AOPEP: variants seen among roughly 807,000 people sequenced by gnomAD.
AOPEP encodes the protein aminopeptidase O (putative).
In AOPEP, 77 loss-of-function variants were observed where a neutral mutation model predicts 98.1. The observed-to-expected ratio is 0.78, with a 90% CI of 0.65 to 0.95. The LOEUF is 0.95. Among genes scored for constraint, AOPEP ranks in the 40% least tolerant of loss-of-function variants. AOPEP has a pLI of 0.00. For synonymous variants in AOPEP, 346 were observed against 365.3 expected, an observed-to-expected ratio of 0.95 and a Z score of 0.60; for missense variants, 1,024 against 1,024.7, an observed-to-expected ratio of 1.00 and a Z score of 0.01.
chr9:94,949,078 T>C (rs527863328), intron 7 of AOPEP, among the ~76,000 whole-genome samples: 20 of 152,344 alleles, frequency 1.3e-4, no homozygotes, highest in African/African-American at 4.3e-4. Flanking sequence ...TTTTTCTCTG[T>C]CTCTTTTGAG....
chr9:95,116,058 C>A, the AOPEP span, among the ~76,000 whole-genome samples: 1 of 152,254 alleles, frequency 6.6e-6, no homozygotes, highest in Non-Finnish European at 1.5e-5. Flanking sequence ...CCCGAAGCCA[C>A]CTATTTATAT....
At chr9:95,061,039 C>G (rs1390915113) in intron 14 of AOPEP, 1 of 420,788 alleles carries the variant, frequency 2.4e-6, no homozygotes, top group Non-Finnish European at 4.3e-6. Flanking sequence ...TAAAGATGGA[C>G]ATAAGTCTCC....
At chr9:95,034,387 G>A (rs1282471587) in intron 13 of AOPEP, among the ~76,000 whole-genome samples, 1 of 152,192 alleles carries the variant, frequency 6.6e-6, no homozygotes. Flanking sequence ...TGATAGAATA[G>A]TATTAGGAAA....
At chr9:94,730,167 C>A (rs1284432174) in intron 1 of AOPEP, among the ~76,000 whole-genome samples, 1 of 151,918 alleles carries the variant, frequency 6.6e-6, no homozygotes, top group Non-Finnish European at 1.5e-5. Context: ...GCCTATAGTC[C>A]CAGCTACTCG....
chr9:94,928,495 A>G lies in AOPEP; in HGVS notation c.1625A>G (p.Glu542Gly). The change falls in exon 7 of 17, where the codon GAG becomes GGG. Residue 542 changes from glutamate (E) to glycine (G), a missense_variant. Physicochemically the swap from Glu to Gly is moderately conservative, Grantham distance 98. Coordinates refer to ENST00000375315, the MANE Select transcript of AOPEP (RefSeq NM_001193329.3). ...CTGCGCTGGCGTCGCCTCCAGGACG[A>G]GATGCAATGCTCCCCCGAGGAGATG... ...ACLRWRRLQD[E>G]MQCSPEEMQV... 6.4e-7 allele frequency: 1 copy of G among 1,550,842 alleles called. No individual in the cohort carries two copies. Among genetic ancestry groups the G allele is most frequent in the Non-Finnish European group, 8.7e-7 (1 of 1,147,074 alleles).
chr9:95,006,607 A>G (rs773077822), intron 13 of AOPEP, among the ~76,000 whole-genome samples: 6 of 152,150 alleles, frequency 3.9e-5, no homozygotes, highest in Non-Finnish European at 7.4e-5. Flanking sequence ...GCCTGCGAAT[A>G]TAGTTGTTTG....
intron 13 of AOPEP, among the ~76,000 whole-genome samples, chr9:95,007,893 A>G (rs1483103343): frequency 6.6e-6 from 1 of 152,152 alleles, no homozygotes. Context: ...TTTTGCTAGG[A>G]TTTGAACCTG....
chr9:94,775,227 G>A (rs1313442526), intron 3 of AOPEP, among the ~76,000 whole-genome samples: 1 of 151,788 alleles, frequency 6.6e-6, no homozygotes, highest in Non-Finnish European at 1.5e-5. Flanking sequence ...TCATCAGGTT[G>A]TGAAATGAGG....
the AOPEP span, among the ~76,000 whole-genome samples, chr9:95,118,991 T>C: frequency 1.3e-5 from 2 of 152,126 alleles, no homozygotes; most frequent in Non-Finnish European, 2.9e-5. Flanking sequence ...GGCCATATGG[T>C]TTTCCGGTGT....
intron 7 of AOPEP, chr9:94,932,067 G>A: frequency 1.8e-6 from 2 of 1,110,764 alleles, no homozygotes; most frequent in Non-Finnish European, 2.2e-6. Context: ...CCCAGGGACG[G>A]AAACTCTTCT....
chr9:94,806,076 T>C (rs1029476846), intron 5 of AOPEP, among the ~76,000 whole-genome samples: 1 of 152,164 alleles, frequency 6.6e-6, no homozygotes, highest in Admixed American at 6.5e-5. Context: ...AAACAATCCT[T>C]CTTTAGATTT....
At chr9:95,083,439 C>G (rs899480153) in intron 16 of AOPEP, among the ~76,000 whole-genome samples, 1 of 149,096 alleles carries the variant, frequency 6.7e-6, no homozygotes, top group Non-Finnish European at 1.5e-5. Context: ...ATGCAGCATA[C>G]ACACCAAACA....
At chr9:95,031,603 CTT>C (rs1336143590) in intron 13 of AOPEP, among the ~76,000 whole-genome samples, 4 of 152,198 alleles carry the variant, frequency 2.6e-5, no homozygotes, top group African/African-American at 4.8e-5. Context: ...GAACTGCACA[CTT>C]TTGCAGATCA....
chr9:94,779,205 CTGTT>C (rs1254930903), intron 3 of AOPEP, among the ~76,000 whole-genome samples: 1 of 152,162 alleles, frequency 6.6e-6, no homozygotes, highest in Non-Finnish European at 1.5e-5. Context: ...TCTGTTGTCT[CTGTT>C]TGGTTCCCTG....
At chr9:95,065,178 C>A (rs1324226547) in intron 14 of AOPEP, among the ~76,000 whole-genome samples, 1 of 152,190 alleles carries the variant, frequency 6.6e-6, no homozygotes, top group Non-Finnish European at 1.5e-5. Context: ...GTTGCTGTTT[C>A]AGGATGCTCG....
chr9:94,971,273 CGG>C (rs749498850), intron 10 of AOPEP, among the ~76,000 whole-genome samples: 3 of 152,086 alleles, frequency 2.0e-5, no homozygotes, highest in Admixed American at 6.5e-5. Flanking sequence ...ATACCTCTCC[CGG>C]TTAGGATCGT....
At chr9:95,061,071 T>C (rs149931122) in intron 14 of AOPEP, 234 of 325,208 alleles carry the variant, frequency 7.2e-4, no homozygotes, top group Non-Finnish European at 1.2e-3. Context: ...GTGGAATGTT[T>C]TTGAGTTGTA....
intron 13 of AOPEP, among the ~76,000 whole-genome samples, chr9:95,006,977 T>C (rs1057266467): frequency 1.3e-5 from 2 of 151,232 alleles, no homozygotes; most frequent in Non-Finnish European, 2.9e-5. Context: ...TCTCGGCTCA[T>C]TGAAGCCTCG....
At chr9:94,759,544 T>G in intron 1 of AOPEP, 105 bp from the exon 2 acceptor site, 1 of 477,876 alleles carries the variant, frequency 2.1e-6, no homozygotes. Context: ...ATCTACCGCT[T>G]GGGGGATTAT....
Sources: gnomAD v4.1 joint callset for allele counts (sites outside exome capture counted in the v4.1 genomes callset) on GRCh38, gnomAD v4.1.1 for gene constraint, MANE v1.5 for transcripts, NCBI Gene and HGNC (gene_info 2026-07-23, HGNC 2026-07-21) for gene names.